CSGALNACT1: variants seen among roughly 807,000 people sequenced by gnomAD.
CSGALNACT1 encodes the protein beta4GalNAcT-1.
Under a neutral mutation model 51.0 loss-of-function variants are expected in CSGALNACT1, and 52 were observed. The observed-to-expected ratio is 1.02, with a 90% CI of 0.82 to 1.29. CSGALNACT1 has a LOEUF of 1.29. Ranked by LOEUF, CSGALNACT1 falls within the 50% of genes most tolerant of loss-of-function variation. The probability of loss-of-function intolerance (pLI) is 0.00; values close to 1 mark genes in which losing one functional copy is unlikely to be tolerated. For synonymous variants in CSGALNACT1, 341 were observed against 254.4 expected (o/e 1.34, Z -3.24); for missense variants, 935 against 679.2 (o/e 1.38, Z -4.19).
At chr8:19,686,180 G>A (rs2060966879), upstream of CSGALNACT1, among the ~76,000 whole-genome samples, 1 of 152,046 alleles carries the variant, frequency 6.6e-6, no homozygotes, top group African/African-American at 2.4e-5. Flanking sequence ...GACTGACAAG[G>A]ACCCCCCAAA....
intron 4 of CSGALNACT1, among the ~76,000 whole-genome samples, chr8:19,503,456 C>T (rs997044393): frequency 6.6e-6 from 1 of 152,156 alleles, no homozygotes; most frequent in African/African-American, 2.4e-5. Context: ...GATTGAACAT[C>T]ACAAGGTCAC....
rs534087106 is a variant in CSGALNACT1, at chr8:19,673,764, G to A, written c.-544+8709C>T. ...CATACAATTTCTGCAGCGTTCTTTT[G>A]AAACAGAGTTTTAAAAGAATAGAAA... On this transcript the variant is annotated intron_variant, in intron 1 of 9. Coordinates refer to the CSGALNACT1 transcript ENST00000332246. Among the ~76,000 whole-genome samples, 92 of 152,286 alleles carry A rather than the reference G, an allele frequency of 6.0e-4. 2 individuals carry two copies. In the South Asian group the frequency reaches 8.9e-3, roughly 15 times the overall value.
chr8:19,416,773 C>T (rs770263562), intron 8 of CSGALNACT1, among the ~76,000 whole-genome samples: 8 of 152,138 alleles, frequency 5.3e-5, no homozygotes, highest in East Asian at 1.9e-4. Flanking sequence ...TGCATAAGTG[C>T]GCTGTATGAT....
At chr8:19,584,347 G>T (rs972313054) in intron 3 of CSGALNACT1, among the ~76,000 whole-genome samples, 1 of 152,170 alleles carries the variant, frequency 6.6e-6, no homozygotes, top group Non-Finnish European at 1.5e-5. Context: ...CTGGGCCTTT[G>T]CAAGTCTATG....
intron 1 of CSGALNACT1, among the ~76,000 whole-genome samples, chr8:19,726,868 A>G (rs1439911494): frequency 1.3e-5 from 2 of 152,206 alleles, no homozygotes; most frequent in African/African-American, 4.8e-5. Flanking sequence ...GGACACTGAG[A>G]GCTCAGAGGA....
intron 7 of CSGALNACT1, 42 bp downstream of exon 6, chr8:19,420,298 G>C (rs757355841): frequency 5.6e-6 from 9 of 1,600,114 alleles, no homozygotes; most frequent in Middle Eastern, 1.7e-4. Context: ...GGGCCCGAGA[G>C]GGCTGGGGGC....
chr8:19,599,775 T>A (rs533602993), intron 2 of CSGALNACT1, among the ~76,000 whole-genome samples: 1 of 152,208 alleles, frequency 6.6e-6, no homozygotes, highest in Non-Finnish European at 1.5e-5. Context: ...CTTACTTTTA[T>A]AGACTCAGGG....
chr8:19,490,302 A>G (rs1481484408), intron 4 of CSGALNACT1, among the ~76,000 whole-genome samples: 7 of 152,216 alleles, frequency 4.6e-5, no homozygotes, highest in South Asian at 2.1e-4. Flanking sequence ...ACTGCAAAAC[A>G]GTATTTTGGG....
intron 1 of CSGALNACT1, among the ~76,000 whole-genome samples, chr8:19,692,651 CT>C (rs896257413): frequency 2.6e-5 from 4 of 152,106 alleles, no homozygotes; most frequent in African/African-American, 9.7e-5. Context: ...AGAAAATGAG[CT>C]TTTTTAATAC....
Position 19,460,516 on chromosome 8 carries a change from G to C in CSGALNACT1, c.635-1874C>G, listed in dbSNP as rs994575407. ...GATGAGGGTGAATGACAGTACCATG[G>C]ATTCTATTCATGTCTCCTTAATCCC... On this transcript the variant is annotated intron_variant, in intron 4 of 9. Transcript: ENST00000454498. Among the ~76,000 whole-genome samples, 5 of 152,128 alleles carry C rather than the reference G, an allele frequency of 3.3e-5. No individual in the cohort carries two copies. The South Asian group carries it at 8.3e-4, about 25-fold the overall frequency.
At chr8:19,561,305 T>C (rs908462809) in intron 3 of CSGALNACT1, among the ~76,000 whole-genome samples, 1 of 152,202 alleles carries the variant, frequency 6.6e-6, no homozygotes, top group Non-Finnish European at 1.5e-5. Flanking sequence ...TTGTACATAT[T>C]TTTGGTCTTA....
chr8:19,545,979 T>C (rs2086376771), intron 3 of CSGALNACT1, among the ~76,000 whole-genome samples: 1 of 151,760 alleles, frequency 6.6e-6, no homozygotes, highest in Non-Finnish European at 1.5e-5. Flanking sequence ...CATGTATAGT[T>C]ATAGTGTGTG....
At chr8:19,541,246 ATTTTTTTTT>A (rs34749639) in intron 3 of CSGALNACT1, among the ~76,000 whole-genome samples, 2 of 111,322 alleles carry the variant, frequency 1.8e-5, no homozygotes, top group African/African-American at 7.3e-5. Context: ...AACTTGGCTA[ATTTTTTTTT>A]TTTTTTTTTT....
intron 5 of CSGALNACT1, among the ~76,000 whole-genome samples, chr8:19,442,567 T>C (rs1175422281): frequency 9.0e-6 from 1 of 110,828 alleles, no homozygotes; most frequent in Non-Finnish European, 1.8e-5. Context: ...CTGGGGACTG[T>C]TGTGGCGTTG....
intron 2 of CSGALNACT1, among the ~76,000 whole-genome samples, chr8:19,599,843 T>A (rs906276745): frequency 6.6e-6 from 1 of 152,180 alleles, no homozygotes; most frequent in Non-Finnish European, 1.5e-5. Flanking sequence ...AACGTGCACA[T>A]TGAGAAGACA....
chr8:19,714,131 A>T (rs2062668270), intron 1 of CSGALNACT1, among the ~76,000 whole-genome samples: 1 of 152,130 alleles, frequency 6.6e-6, no homozygotes, highest in African/African-American at 2.4e-5. Flanking sequence ...CTCATCTATA[A>T]ACCTTATCCA....
At chr8:19,682,698 C>G (rs1277262508), upstream of CSGALNACT1, 2 of 453,978 alleles carry the variant, frequency 4.4e-6, no homozygotes, top group Non-Finnish European at 8.8e-6. Flanking sequence ...TTACTCACCT[C>G]CGTGCAATTC....
At chr8:19,429,789 T>G (rs2059370677) in intron 6 of CSGALNACT1, among the ~76,000 whole-genome samples, 1 of 152,234 alleles carries the variant, frequency 6.6e-6, no homozygotes, top group South Asian at 2.1e-4. Context: ...TTTAACCATG[T>G]AAGGAACTGC....
chr8:19,683,625 G>A (rs560731701), upstream of CSGALNACT1, among the ~76,000 whole-genome samples: 40 of 152,084 alleles, frequency 2.6e-4, no homozygotes, highest in Admixed American at 1.4e-3. Flanking sequence ...CACATGAAAG[G>A]AAAATGGAAT....
Sources: allele counts gnomAD v4.1 joint callset (sites outside exome capture counted in the v4.1 genomes callset), GRCh38; gene constraint gnomAD v4.1.1; transcripts MANE v1.5; gene names NCBI Gene and HGNC (gene_info 2026-07-23, HGNC 2026-07-21).